The following PKHD1L1 variants were observed in gnomAD, a reference collection of about 807,000 sequenced individuals.
PKHD1L1 encodes PKHD1 like 1, also known as fibrocystin-L.
PKHD1L1 carries 434 observed loss-of-function variants against 462.9 expected under a neutral mutation model. That is an observed-to-expected ratio of 0.94 (90% CI 0.87 to 1.02). The LOEUF (loss-of-function observed/expected upper bound fraction) is 1.02. Ranked by LOEUF, PKHD1L1 falls within the 50% of genes least tolerant of loss-of-function variation. PKHD1L1 has a pLI of 0.00. For missense variants in PKHD1L1, 5,202 were observed against 5,096.1 expected (o/e 1.02, Z -0.63); for synonymous variants, 1,781 against 1,750.0 (o/e 1.02, Z -0.44).
chr8:109,363,987 G>A (rs756503640), intron 1 of PKHD1L1, among the ~76,000 whole-genome samples: 23 of 152,182 alleles, frequency 1.5e-4, no homozygotes, highest in Non-Finnish European at 3.4e-4. Flanking sequence ...ATGAATTAGT[G>A]ACCTTTATAT....
In PKHD1L1 at chr8:109,456,112, A is replaced by C. The variant is rs899942684; in HGVS notation, c.6875-150A>C. 1.6e-5 allele frequency: 12 copies of C among 756,798 alleles called. No individual in the cohort carries two copies. The African/African-American group carries it at 1.6e-4, about 10-fold the overall frequency. 46.9% of individuals were successfully genotyped at this position (756,798 alleles called of 1,614,324 possible). On this transcript the variant is annotated intron_variant, in intron 45 of 77. Transcript: ENST00000378402. ...TACTTTTATAAAGCAAGCATTCTACATATTTCTTTTTGGAGAAATGTGTGA... is the reference window on the plus strand; with the variant it reads ...TACTTTTATAAAGCAAGCATTCTACCTATTTCTTTTTGGAGAAATGTGTGA...
intron 23 of PKHD1L1, 72 bp from the exon 24 acceptor site, chr8:109,425,013 C>A: frequency 8.0e-7 from 1 of 1,252,118 alleles, no homozygotes. Context: ...AGGATTGTAC[C>A]ATGATGAAAT....
At chr8:109,517,891 T>G (rs1262214279) in intron 72 of PKHD1L1, among the ~76,000 whole-genome samples, 1 of 152,146 alleles carries the variant, frequency 6.6e-6, no homozygotes, top group East Asian at 1.9e-4. Flanking sequence ...GATCATAACT[T>G]GATTTGTTTC....
chr8:109,408,243 T>C (rs1813664285), intron 18 of PKHD1L1, 37 bp downstream of exon 18: 1 of 1,572,486 alleles, frequency 6.4e-7, no homozygotes, highest in East Asian at 2.3e-5. Context: ...GCATTTTCCC[T>C]GCACCCTCTC....
At chr8:109,435,154 T>C (rs1192398192) in intron 28 of PKHD1L1, 36 bp from the exon 29 acceptor site, 1 of 1,607,828 alleles carries the variant, frequency 6.2e-7, no homozygotes, top group East Asian at 2.2e-5. Context: ...ACCATTTGAT[T>C]TACCATTTTC....
intron 29 of PKHD1L1, 66 bp from the exon 30 acceptor site, chr8:109,436,272 A>G (rs926424420): frequency 2.0e-6 from 3 of 1,498,174 alleles, no homozygotes; most frequent in African/African-American, 1.4e-5. Flanking sequence ...AAAAAATGTT[A>G]CTAACATTTC....
chr8:109,466,482 T>A, intron 49 of PKHD1L1, 96 bp from the exon 50 acceptor site: 2 of 1,226,658 alleles, frequency 1.6e-6, no homozygotes, highest in Non-Finnish European at 2.2e-6. Context: ...TTAGACTGTA[T>A]TAGTGGTACT....
chr8:109,451,247 T>C (rs1465195054), intron 41 of PKHD1L1, 98 bp downstream of exon 41: 3 of 1,286,240 alleles, frequency 2.3e-6, no homozygotes, highest in Non-Finnish European at 3.2e-6. Flanking sequence ...AATACAGTCA[T>C]GCAATGTGTA....
rs751924771 is a variant in PKHD1L1 at position 109,454,214 on chromosome 8, A to T, written c.6712A>T (p.Asn2238Tyr). 1.2e-6 allele frequency: 2 copies of T among 1,608,354 alleles called. No individual in the cohort carries two copies. The highest frequency in any genetic ancestry group is 2.2e-5 in the East Asian group (1 of 44,622). Reference sequence around the variant, plus strand: ...AGCTGACATTGAACTCCAGGCAGAAAATATTCTAATTACAGATGGAGGTGT... The same window carrying T: ...AGCTGACATTGAACTCCAGGCAGAATATATTCTAATTACAGATGGAGGTGT... ...DEADIELQAENILITDGGVLQ... is the reference protein window; with the variant it reads ...DEADIELQAEYILITDGGVLQ... The change falls in exon 44 of 78, where the codon AAT (asparagine) becomes TAT (tyrosine). Residue 2238 changes from asparagine (N) to tyrosine (Y), a missense_variant. Physicochemically the swap from Asn to Tyr is moderately radical, Grantham distance 143 (BLOSUM62 -2). This residue lies in a region of PKHD1L1 where 4,497 missense variants were observed against 4,336.8 expected (regional missense o/e 1.04). Coordinates refer to ENST00000378402, the MANE Select transcript of PKHD1L1 (RefSeq NM_177531.6).
chr8:109,392,189 AT>A (rs146140556), intron 9 of PKHD1L1, among the ~76,000 whole-genome samples: 1 of 152,116 alleles, frequency 6.6e-6, no homozygotes, highest in African/African-American at 2.4e-5. Context: ...ACTACATATG[AT>A]TTTTTTAAAT....
At chr8:109,469,275 A>G (rs1437852208) in intron 50 of PKHD1L1, among the ~76,000 whole-genome samples, 1 of 152,150 alleles carries the variant, frequency 6.6e-6, no homozygotes, top group Non-Finnish European at 1.5e-5. Context: ...GGAAAATGCT[A>G]TTACCATTAC....
At chr8:109,378,005 T>C (rs938634684) in intron 2 of PKHD1L1, among the ~76,000 whole-genome samples, 1 of 152,172 alleles carries the variant, frequency 6.6e-6, no homozygotes, top group Non-Finnish European at 1.5e-5. Flanking sequence ...TTCTGTTAGA[T>C]ATCCCGTCAG....
intron 12 of PKHD1L1, among the ~76,000 whole-genome samples, chr8:109,399,361 A>G (rs919327132): frequency 5.3e-5 from 8 of 152,162 alleles, no homozygotes; most frequent in Middle Eastern, 3.2e-3. Context: ...TTCCACATAC[A>G]GAAAAGCTTA....
At chr8:109,496,244 A>G (rs1481812570) in intron 63 of PKHD1L1, among the ~76,000 whole-genome samples, 1 of 152,202 alleles carries the variant, frequency 6.6e-6, no homozygotes, top group Non-Finnish European at 1.5e-5. Context: ...TGGATAATTC[A>G]CAAATAATTA....
At chr8:109,393,557 C>T (rs1812808899) in intron 9 of PKHD1L1, among the ~76,000 whole-genome samples, 2 of 152,144 alleles carry the variant, frequency 1.3e-5, no homozygotes, top group African/African-American at 2.4e-5. Flanking sequence ...TTTGCAGTGT[C>T]ACACACATTA....
intron 67 of PKHD1L1, among the ~76,000 whole-genome samples, chr8:109,501,101 A>G (rs1326756974): frequency 6.6e-6 from 1 of 152,094 alleles, no homozygotes; most frequent in African/African-American, 2.4e-5. Flanking sequence ...ACCAGCACCC[A>G]TGTATTCTAT....
intron 21 of PKHD1L1, among the ~76,000 whole-genome samples, chr8:109,414,470 A>G (rs1423991171): frequency 1.3e-5 from 2 of 151,918 alleles, no homozygotes; most frequent in Non-Finnish European, 2.9e-5. Flanking sequence ...TGGGATCTCC[A>G]TATCTTGAAA....
chr8:109,523,278 A>T lies in PKHD1L1; in HGVS notation c.12376A>T (p.Ile4126Leu). ...VGITALTLRA[I>L]LKDSNNNQVN... is the part of the protein sequence containing the mutation. ...AATTACTGCACTAACTTTGAGGGCC[A>T]TACTCAAGGACTCCAATAATAACCA... The change falls in exon 76 of 78, where the codon ATA becomes TTA. Residue 4126 changes from isoleucine to leucine, a missense_variant. This residue lies in a region of PKHD1L1 where 698 missense variants were observed against 736.3 expected (regional missense o/e 0.95). Coordinates refer to ENST00000378402, the MANE Select transcript of PKHD1L1 (RefSeq NM_177531.6). The T allele has an allele frequency of 6.2e-7, 1 of 1,611,954 alleles. No individual in the cohort carries two copies. The highest frequency in any genetic ancestry group is 1.1e-5 in the South Asian group (1 of 91,016).
At chr8:109,497,757 C>G (rs1586625907) in intron 65 of PKHD1L1, among the ~76,000 whole-genome samples, 1 of 151,756 alleles carries the variant, frequency 6.6e-6, no homozygotes, top group South Asian at 2.1e-4. Flanking sequence ...TCTCCTCCTC[C>G]CTTCCCTCTT....
Sources: gnomAD v4.1 joint callset for allele counts (sites outside exome capture counted in the v4.1 genomes callset) on GRCh38, gnomAD v4.1.1 for gene constraint, gnomAD v4.1.1 regional missense constraint, MANE v1.5 for transcripts, NCBI Gene and HGNC (gene_info 2026-07-23, HGNC 2026-07-21) for gene names.